Variants in ADGB observed in about 807,000 individuals in gnomAD.
The protein encoded by ADGB is androglobin.
In ADGB, 172 loss-of-function variants were observed where a neutral mutation model predicts 210.5. The ratio of observed to expected loss-of-function variants is 0.82; its 90% CI spans 0.72 to 0.93. The LOEUF is 0.93. Ranked by LOEUF, ADGB falls within the 40% of genes least tolerant of loss-of-function variation. The pLI is 0.00. For synonymous variants in ADGB, 658 were observed against 662.7 expected, an observed-to-expected ratio of 0.99 and a Z score of 0.11; for missense variants, 2,025 against 1,964.8, an observed-to-expected ratio of 1.03 and a Z score of -0.58.
At chr6:146,721,940 C>A (rs779625494) in intron 17 of ADGB, among the ~76,000 whole-genome samples, 1 of 152,072 alleles carries the variant, frequency 6.6e-6, no homozygotes, top group African/African-American at 2.4e-5. Context: ...ACCACCTACA[C>A]CACCTCCTCT....
intron 13 of ADGB, among the ~76,000 whole-genome samples, chr6:146,715,137 A>C (rs1776714735): frequency 6.6e-6 from 1 of 152,238 alleles, no homozygotes; most frequent in Non-Finnish European, 1.5e-5. Context: ...TCAATCATTT[A>C]GTAAATTAAC....
chr6:146,791,704 A>G (rs528018925), intron 33 of ADGB, among the ~76,000 whole-genome samples: 1 of 152,082 alleles, frequency 6.6e-6, no homozygotes, highest in South Asian at 2.1e-4. Context: ...TTTTCCAAAC[A>G]CCGTTTATTG....
At chr6:146,658,555 A>G (rs545233884) in intron 5 of ADGB, among the ~76,000 whole-genome samples, 2 of 152,084 alleles carry the variant, frequency 1.3e-5, no homozygotes, top group Non-Finnish European at 2.9e-5. Flanking sequence ...CTGTTGATTT[A>G]TTTCTCATTC....
At chr6:146,769,285 T>C (rs1253679170) in intron 29 of ADGB, among the ~76,000 whole-genome samples, 154 bp downstream of exon 29, 2 of 152,182 alleles carry the variant, frequency 1.3e-5, no homozygotes, top group African/African-American at 2.4e-5. Context: ...ACATTTCCTG[T>C]TGTGTTAATT....
At chr6:146,728,509 A>T in intron 19 of ADGB, 65 bp from the exon 20 acceptor site, 1 of 1,393,500 alleles carries the variant, frequency 7.2e-7, no homozygotes, top group Non-Finnish European at 9.7e-7. Flanking sequence ...AACAGATATT[A>T]ATTTGTATAA....
chr6:146,736,397 T>A, intron 22 of ADGB, 101 bp from the exon 23 acceptor site: 1 of 734,362 alleles, frequency 1.4e-6, no homozygotes, highest in Non-Finnish European at 2.1e-6. Flanking sequence ...ACCATCTTAC[T>A]TGTGAGTTTC....
At chr6:146,803,939 G>A (rs1032750104) in intron 35 of ADGB, 5 of 251,032 alleles carry the variant, frequency 2.0e-5, no homozygotes, top group Middle Eastern at 1.2e-3. Context: ...CTTAGCAATT[G>A]GTGGCAGCAG....
intron 1 of ADGB, among the ~76,000 whole-genome samples, chr6:146,614,219 C>CCCTTCCTTCCTT (rs57639198): frequency 8.2e-5 from 4 of 48,518 alleles, no homozygotes; most frequent in African/African-American, 1.7e-4. Context: ...CTTCCTTCCT[C>CCCTTCCTTCCTT]CCTTCCTTCC....
At chr6:146,805,814 C>A (rs1032467195) in intron 35 of ADGB, among the ~76,000 whole-genome samples, 1 of 152,196 alleles carries the variant, frequency 6.6e-6, no homozygotes, top group African/African-American at 2.4e-5. Context: ...ATTTGTGTAA[C>A]CGTGCCTAGT....
intron 20 of ADGB, 72 bp from the exon 21 acceptor site, chr6:146,733,048 T>A: frequency 8.6e-7 from 1 of 1,166,692 alleles, no homozygotes; most frequent in Non-Finnish European, 1.1e-6. Context: ...TTAGAGTATC[T>A]AAAAATTTTT....
At chr6:146,614,565 A>C (rs1467853643) in intron 1 of ADGB, among the ~76,000 whole-genome samples, 2 of 152,046 alleles carry the variant, frequency 1.3e-5, no homozygotes, top group Non-Finnish European at 2.9e-5. Flanking sequence ...TATTTATTTC[A>C]TTTTATTTTT....
chr6:146,784,832 C>T (rs1401109604), intron 31 of ADGB, 38 bp downstream of exon 31: 1 of 1,525,610 alleles, frequency 6.6e-7, no homozygotes, highest in Non-Finnish European at 8.8e-7. Context: ...TTTTACTTTT[C>T]CTCCTTAGGC....
chr6:146,621,530 A>G (rs1325409546), intron 1 of ADGB, among the ~76,000 whole-genome samples: 2 of 152,080 alleles, frequency 1.3e-5, no homozygotes, highest in African/African-American at 2.4e-5. Flanking sequence ...AATCCTCTTG[A>G]GTGGTTATGC....
chr6:146,676,162 G>C, intron 8 of ADGB, 151 bp from the exon 9 acceptor site: 1 of 626,994 alleles, frequency 1.6e-6, no homozygotes, highest in Non-Finnish European at 2.5e-6. Flanking sequence ...TTTCTAATTA[G>C]AGGGGATCAT....
rs1775787498 is a variant in ADGB at position 146,656,758 on chromosome 6, T to A, written c.403-13T>A. 1.3e-6 allele frequency: 2 copies of A among 1,499,958 alleles called. No homozygotes were observed. Among genetic ancestry groups the A allele is most frequent in the Non-Finnish European group, 1.8e-6 (2 of 1,119,974 alleles). The allele number at this position is 1,499,958 out of a possible 1,614,324, so 92.9% of individuals were successfully genotyped here. ...AAAAATAACCAATTAACCCTAATGT[T>A]TTTTATCTCTAGCTGATGAGATGGA... On this transcript the variant is annotated splice_polypyrimidine_tract_variant and intron_variant, in intron 4 of 35. Coordinates refer to ENST00000397944, the MANE Select transcript of ADGB (RefSeq NM_024694.4).
intron 16 of ADGB, among the ~76,000 whole-genome samples, chr6:146,720,758 G>A (rs9377024): frequency 1.2e-3 from 189 of 152,132 alleles, no homozygotes; most frequent in African/African-American, 4.2e-3. Context: ...AAAGTGCCAC[G>A]CACTTTCAAA....
At chr6:146,659,190 C>A (rs1775822450) in intron 5 of ADGB, among the ~76,000 whole-genome samples, 1 of 152,092 alleles carries the variant, frequency 6.6e-6, no homozygotes, top group African/African-American at 2.4e-5. Context: ...TGATTTTTTT[C>A]TCTTCCAATT....
At chr6:146,798,676 G>GAA (rs372001801) in intron 33 of ADGB, among the ~76,000 whole-genome samples, 1 of 137,176 alleles carries the variant, frequency 7.3e-6, no homozygotes, top group Non-Finnish European at 1.6e-5. Context: ...CTAAAAAACA[G>GAA]AAAAAAAAAA....
chr6:146,759,978 T>TACA (rs372763131), intron 27 of ADGB, among the ~76,000 whole-genome samples: 255 of 152,006 alleles, frequency 1.7e-3, no homozygotes, highest in African/African-American at 6.0e-3. Flanking sequence ...TCTAGCTGAT[T>TACA]TGTAGAGTCT....
Sources: allele counts gnomAD v4.1 joint callset (sites outside exome capture counted in the v4.1 genomes callset), GRCh38; gene constraint gnomAD v4.1.1; transcripts MANE v1.5; gene names NCBI Gene and HGNC (gene_info 2026-07-23, HGNC 2026-07-21).